Variants in CNOT1 observed in about 807,000 individuals in gnomAD.
CNOT1 encodes CCR4-associated factor 1.
A neutral mutation model predicts 273.8 loss-of-function variants in CNOT1; 15 were observed. The observed-to-expected ratio is 0.05, with a 90% CI of 0.04 to 0.08. The LOEUF is 0.08. Among genes scored for constraint, CNOT1 ranks in the 10% least tolerant of loss-of-function variants. CNOT1 has a pLI of 1.00. For missense variants in CNOT1, 1,644 were observed against 2,912.2 expected (o/e 0.56, Z 10.02); for synonymous variants, 1,022 against 1,005.5 (o/e 1.02, Z -0.31).
rs768144970 is a variant in CNOT1 at position 58,546,403 on chromosome 16, G to A, written c.3924C>T (p.Arg1308=). ...AGAGTTGCTCATCTAAATTCTTCAG[G>A]CGATCTTTATCCTTTAGGAGGTTTC... ...KPGNLLKDKD[R]LKNLDEQLSA... is the part of the protein sequence containing the mutation. The change falls in exon 29 of 49, where the codon CGC becomes CGT. Residue 1308 remains arginine, a synonymous_variant. Transcript: ENST00000317147. 2 of 1,613,710 alleles carry A rather than the reference G, an allele frequency of 1.2e-6. No homozygotes were observed. The highest frequency in any genetic ancestry group is 1.1e-5 in the South Asian group (1 of 91,062).
At chr16:58,567,430 C>T (rs1304698557) in intron 16 of CNOT1, among the ~76,000 whole-genome samples, 1 of 151,474 alleles carries the variant, frequency 6.6e-6, no homozygotes, top group Non-Finnish European at 1.5e-5. Context: ...TGAGACCATC[C>T]TGGGCAACAT....
intron 1 of CNOT1, among the ~76,000 whole-genome samples, chr16:58,622,031 G>A: frequency 6.6e-6 from 1 of 150,456 alleles, no homozygotes; most frequent in Non-Finnish European, 1.5e-5. Context: ...GAAATGTACA[G>A]GCTGGGCTCG....
chr16:58,617,383 A>C (rs2043128864), intron 1 of CNOT1, among the ~76,000 whole-genome samples: 1 of 152,126 alleles, frequency 6.6e-6, no homozygotes, highest in Admixed American at 6.6e-5. Flanking sequence ...AATTAAAAAA[A>C]AAAATAACAA....
At chr16:58,552,095 C>T (rs11863865) in intron 22 of CNOT1, among the ~76,000 whole-genome samples, 34,789 of 151,982 alleles carry the variant, frequency 0.23, 4,345 homozygotes, top group African/African-American at 0.33. Context: ...TCTTTAAAAA[C>T]GCAAACTTTA....
intron 2 of CNOT1, among the ~76,000 whole-genome samples, chr16:58,589,437 G>A (rs1324182561): frequency 2.6e-5 from 4 of 152,104 alleles, no homozygotes; most frequent in Admixed American, 6.5e-5. Context: ...ACTTGAACCC[G>A]GGAGACAGAG....
At chr16:58,577,136 G>A (rs939867082) in intron 13 of CNOT1, among the ~76,000 whole-genome samples, 7 of 150,826 alleles carry the variant, frequency 4.6e-5, no homozygotes, top group African/African-American at 1.2e-4. Flanking sequence ...CAGAAACAAC[G>A]ATGAATGATG....
Position 58,556,884 on chromosome 16 carries a change from C to A in CNOT1, c.2442G>T (p.Leu814=), listed in dbSNP as rs1379429309. Residue 814 remains leucine, a synonymous_variant, in exon 19 of 49, where the codon CTG becomes CTT. Transcript: ENST00000317147. ...TACTCTGCTGGAATGTAGGCTGATT[C>A]AGTCCAGAGGTGCCCAGTTTCCTCT... is the stretch of plus-strand genomic sequence containing the variant. ...FVQRKLGTSG[L]NQPTFQQSKM... 2 of 1,613,922 alleles carry A rather than the reference C, an allele frequency of 1.2e-6. No individual in the cohort carries two copies. The highest frequency in any genetic ancestry group is 2.7e-5 in the African/African-American group (2 of 74,920).
chr16:58,577,178 T>C (rs753076301), intron 13 of CNOT1, among the ~76,000 whole-genome samples: 48 of 152,064 alleles, frequency 3.2e-4, no homozygotes, highest in African/African-American at 8.0e-4. Flanking sequence ...GTATTTATCA[T>C]AGAAGCAACA....
At chr16:58,600,238 C>T (rs941048111) in intron 1 of CNOT1, among the ~76,000 whole-genome samples, 1 of 151,014 alleles carries the variant, frequency 6.6e-6, no homozygotes, top group Non-Finnish European at 1.5e-5. Flanking sequence ...ATCCTAACTA[C>T]TCGGGAGGCT....
intron 43 of CNOT1, among the ~76,000 whole-genome samples, chr16:58,529,937 A>C (rs568196998): frequency 2.6e-5 from 4 of 152,056 alleles, no homozygotes; most frequent in Non-Finnish European, 5.9e-5. Flanking sequence ...AAAATGGTTA[A>C]AATGAAAAAC....
chr16:58,573,033 G>C (rs548288448), intron 16 of CNOT1, among the ~76,000 whole-genome samples: 8 of 151,812 alleles, frequency 5.3e-5, no homozygotes, highest in Non-Finnish European at 1.0e-4. Flanking sequence ...GAGGCCAGGC[G>C]TAGTGGTTCA....
At chr16:58,615,238 T>C (rs71389027) in intron 1 of CNOT1, among the ~76,000 whole-genome samples, 2,529 of 125,016 alleles carry the variant, frequency 0.02, 727 homozygotes, top group Non-Finnish European at 0.033. Context: ...GAAGCTACTT[T>C]GATTGGTTTG....
intron 16 of CNOT1, 109 bp downstream of exon 16, chr16:58,574,500 G>T: frequency 2.8e-6 from 3 of 1,077,918 alleles, no homozygotes; most frequent in Non-Finnish European, 3.9e-6. Flanking sequence ...TAAAACCATT[G>T]GACCATTTTA....
chr16:58,551,373 G>T, intron 23 of CNOT1, 101 bp from the exon 24 acceptor site: 1 of 1,275,022 alleles, frequency 7.8e-7, no homozygotes, highest in Non-Finnish European at 1.1e-6. Flanking sequence ...AATACACATG[G>T]TATGACTGTG....
chr16:58,607,382 C>A (rs1166730094), intron 1 of CNOT1, among the ~76,000 whole-genome samples: 1 of 151,968 alleles, frequency 6.6e-6, no homozygotes, highest in African/African-American at 2.4e-5. Context: ...TATATGCTCA[C>A]ATATATATAG....
In CNOT1 at chr16:58,537,108, C is replaced by T; in HGVS notation, c.5527G>A (p.Asp1843Asn). 1 of 1,614,208 alleles carries T rather than the reference C, an allele frequency of 6.2e-7. No individual in the cohort carries two copies. Among genetic ancestry groups the T allele is most frequent in the Non-Finnish European group, 8.5e-7 (1 of 1,180,036 alleles). ...HSGISQASEY[D>N]DPPGLREKAE... ...TTCTCCCTCAGGCCTGGAGGGTCATCATACTCTGAGGCTTGAGAGATCCCA... is the reference window on the plus strand; with the variant it reads ...TTCTCCCTCAGGCCTGGAGGGTCATTATACTCTGAGGCTTGAGAGATCCCA... The change falls in exon 39 of 49, where the codon GAT (aspartate) becomes AAT (asparagine). Residue 1843 changes from aspartate (D) to asparagine (N), a missense_variant. Asp to Asn is a conservative substitution (Grantham distance 23, BLOSUM62 1). This residue lies in a region of CNOT1 where 133 missense variants were observed against 328.2 expected (regional missense o/e 0.41). Transcript: ENST00000317147.
chr16:58,540,007 GT>G (rs750351503), intron 34 of CNOT1, 48 bp from the exon 35 acceptor site: 3 of 1,551,488 alleles, frequency 1.9e-6, no homozygotes, highest in Admixed American at 2.0e-5. Context: ...GAATGTTAAG[GT>G]TTTTTATTGA....
rs201890659 is a variant in CNOT1, at chr16:58,543,412, A to G, written c.4434+195T>C. On this transcript the variant is annotated intron_variant, in intron 31 of 48. Transcript: ENST00000317147. ...AAACATCGTGTTGAGAATATAACAGAAAAAAAAAAAAACACACAGACATGA... is the reference window on the plus strand; with the variant it reads ...AAACATCGTGTTGAGAATATAACAGGAAAAAAAAAAAACACACAGACATGA... 413 of 369,428 alleles carry G rather than the reference A, an allele frequency of 1.1e-3. No homozygotes were observed. In the East Asian group the frequency reaches 0.015, roughly 13 times the overall value. The allele number at this position is 369,428 out of a possible 1,614,324, so 22.9% of individuals were successfully genotyped here. A position where few individuals can be genotyped will look rare whatever the true frequency, so the allele number is the denominator to read the frequency against.
At chr16:58,594,970 C>T (rs1383264391) in intron 2 of CNOT1, among the ~76,000 whole-genome samples, 2 of 151,624 alleles carry the variant, frequency 1.3e-5, no homozygotes, top group African/African-American at 4.8e-5. Flanking sequence ...AAAAAATTAC[C>T]CGGGCATGGT....
Sources: gnomAD v4.1 joint callset for allele counts (sites outside exome capture counted in the v4.1 genomes callset) on GRCh38, gnomAD v4.1.1 for gene constraint, gnomAD v4.1.1 regional missense constraint, MANE v1.5 for transcripts, NCBI Gene and HGNC (gene_info 2026-07-23, HGNC 2026-07-21) for gene names.